RAPGEF1: variants seen among roughly 807,000 people sequenced by gnomAD.
The protein encoded by RAPGEF1 is CRK SH3-binding GNRP.
A neutral mutation model predicts 143.3 loss-of-function variants in RAPGEF1; 33 were observed. That is an observed-to-expected ratio of 0.23 (90% CI 0.17 to 0.31). The LOEUF (loss-of-function observed/expected upper bound fraction) is 0.31, where lower values mean the gene tolerates loss of function less well. Ranked by LOEUF, RAPGEF1 falls within the 10% of genes least tolerant of loss-of-function variation. The pLI, the probability that RAPGEF1 is intolerant of heterozygous loss-of-function variation, is 1.00. For synonymous variants in RAPGEF1, 629 were observed against 676.5 expected (o/e 0.93, Z 1.09); for missense variants, 1,199 against 1,645.4 (o/e 0.73, Z 4.69).
At chr9:131,581,517 C>T (rs574687997) in intron 25 of RAPGEF1, among the ~76,000 whole-genome samples, 7 of 151,146 alleles carry the variant, frequency 4.6e-5, no homozygotes, top group South Asian at 2.1e-4. Context: ...GGTGAAACTC[C>T]GTCTCTACTA....
chr9:131,593,956 A>G (rs576701178), intron 17 of RAPGEF1, among the ~76,000 whole-genome samples: 7 of 152,280 alleles, frequency 4.6e-5, no homozygotes, highest in Non-Finnish European at 1.0e-4. Flanking sequence ...CTCGCTGGTG[A>G]GCACTGGGCC....
At chr9:131,676,153 T>C (rs1832321146) in intron 1 of RAPGEF1, among the ~76,000 whole-genome samples, 1 of 152,086 alleles carries the variant, frequency 6.6e-6, no homozygotes, top group Non-Finnish European at 1.5e-5. Context: ...ATGGAAAGGA[T>C]GTAAAAGAAA....
chr9:131,722,157 A>G lies in RAPGEF1; in HGVS notation c.61+17613T>C, dbSNP rs527278051. Among the ~76,000 whole-genome samples, 4 of 152,164 alleles carry G rather than the reference A, an allele frequency of 2.6e-5. No individual in the cohort carries two copies. The South Asian group carries it at 8.3e-4, about 32-fold the overall frequency. On this transcript the variant is annotated intron_variant, in intron 1 of 26. Transcript: ENST00000683357. ...GGTTATCACCCAGATTCATAGAGAG[A>G]CGTGTTAATGATACTCGTGGGAACA... is the stretch of plus-strand genomic sequence containing the variant.
chr9:131,699,439 T>A (rs1160598005), intron 1 of RAPGEF1, among the ~76,000 whole-genome samples: 1 of 152,084 alleles, frequency 6.6e-6, no homozygotes, highest in African/African-American at 2.4e-5. Context: ...AGACAGGGTT[T>A]CTCCATGTTG....
intron 1 of RAPGEF1, among the ~76,000 whole-genome samples, chr9:131,735,277 A>C (rs1371673385): frequency 1.3e-5 from 2 of 152,148 alleles, no homozygotes; most frequent in Non-Finnish European, 2.9e-5. Context: ...TCAGCTGAGG[A>C]GGCCTTGGTC....
At chr9:131,705,167 G>C (rs1035772940) in intron 1 of RAPGEF1, among the ~76,000 whole-genome samples, 1 of 152,038 alleles carries the variant, frequency 6.6e-6, no homozygotes, top group African/African-American at 2.4e-5. Flanking sequence ...TTTATTGCAC[G>C]TCCACTGTGC....
At position 131,628,883 on chromosome 9, in the gene RAPGEF1, A is replaced by G. The variant is rs1333490334; in HGVS notation, c.894-211T>C. ...AACAACCCTTTCTTTTTCTTTCATAATAAATCATACCATGTCTCCCTGGGC... is the reference window on the plus strand; with the variant it reads ...AACAACCCTTTCTTTTTCTTTCATAGTAAATCATACCATGTCTCCCTGGGC... On this transcript the variant is annotated intron_variant, in intron 7 of 26. Coordinates refer to ENST00000683357, the MANE Select transcript of RAPGEF1 (RefSeq NM_001377935.1). This position sits in a 1 kb window ranked among gnomAD's most constrained non-coding sequence, Gnocchi z 5.7. Among the ~76,000 whole-genome samples, 1 of 152,170 alleles carries G rather than the reference A, an allele frequency of 6.6e-6. No individual in the cohort carries two copies. The highest frequency in any genetic ancestry group is 1.5e-5 in the Non-Finnish European group (1 of 68,012).
intron 4 of RAPGEF1, among the ~76,000 whole-genome samples, chr9:131,639,546 G>C (rs1967225615): frequency 1.3e-5 from 2 of 152,060 alleles, no homozygotes; most frequent in Non-Finnish European, 2.9e-5. Flanking sequence ...AATGATTGTA[G>C]AGTAGCAGCC....
At chr9:131,579,690 G>A in intron 26 of RAPGEF1, 43 bp from the exon 27 acceptor site, 1 of 1,601,362 alleles carries the variant, frequency 6.2e-7, no homozygotes, top group Non-Finnish European at 8.5e-7. Context: ...ACCTGTGTGG[G>A]CTGGATGGCC....
At chr9:131,644,491 G>A (rs1011597852) in intron 3 of RAPGEF1, among the ~76,000 whole-genome samples, 2 of 152,106 alleles carry the variant, frequency 1.3e-5, no homozygotes, top group Non-Finnish European at 2.9e-5. Flanking sequence ...AAATTAAGAG[G>A]GGTGTGTATG....
chr9:131,584,182 G>T lies in RAPGEF1; in HGVS notation c.3414+129C>A. ...AGCTGTTCTGGTCACACAGCATGTC[G>T]GTGGCAGAGCAGGGGCCTAGGCCCA... is the stretch of plus-strand genomic sequence containing the variant. On this transcript the variant is annotated intron_variant, in intron 24 of 26. Coordinates refer to ENST00000683357, the MANE Select transcript of RAPGEF1 (RefSeq NM_001377935.1). This position sits in a 1 kb window ranked among gnomAD's most constrained non-coding sequence, Gnocchi z 6.8. The T allele has an allele frequency of 4.9e-6, 4 of 815,604 alleles. No homozygotes were observed. The South Asian group carries it at 6.6e-5, about 14-fold the overall frequency. 50.5% of individuals were successfully genotyped at this position (815,604 alleles called of 1,614,324 possible).
chr9:131,695,187 G>A (rs951976420), intron 1 of RAPGEF1, among the ~76,000 whole-genome samples: 9 of 152,140 alleles, frequency 5.9e-5, no homozygotes, highest in Non-Finnish European at 8.8e-5. Context: ...ATGCATGAAC[G>A]TGCTTCTTCT....
intron 1 of RAPGEF1, among the ~76,000 whole-genome samples, chr9:131,713,231 C>T (rs1044341990): frequency 1.3e-5 from 2 of 152,174 alleles, no homozygotes; most frequent in African/African-American, 4.8e-5. Context: ...TCAGACCCGA[C>T]CTGGCCATGT....
At chr9:131,606,515 G>A (rs1436969640) in intron 12 of RAPGEF1, among the ~76,000 whole-genome samples, 1 of 152,212 alleles carries the variant, frequency 6.6e-6, no homozygotes, top group Non-Finnish European at 1.5e-5. Context: ...GTGCAAATGT[G>A]CGTGCCACTC....
Position 131,583,166 on chromosome 9 carries a change from G to C in RAPGEF1, c.3415-464C>G, listed in dbSNP as rs1952144788. 1.3e-5 allele frequency among the ~76,000 whole-genome samples: 2 copies of C among 152,076 alleles called. No individual in the cohort carries two copies. Among genetic ancestry groups the C allele is most frequent in the South Asian group, 4.1e-4 (2 of 4,822 alleles). The stretch of plus-strand genomic sequence containing the variant: ...TAGCATGTGACCTCGCCCTCCCCAG[G>C]GCTGGGTGGCTTCTCTCCTGCAGGG... On this transcript the variant is annotated intron_variant, in intron 24 of 26. Transcript: ENST00000683357. This position sits in a 1 kb window ranked among gnomAD's most constrained non-coding sequence, Gnocchi z 4.7.
rs1031818610 is a variant in RAPGEF1, at chr9:131,579,122, C to T, written c.*375G>A. On this transcript the variant is annotated 3_prime_UTR_variant, in exon 27 of 27. Transcript: ENST00000683357. ...GACCCTGGAGCTTAGGGAGGGGGAG[C>T]ACCCACCACTTCCTTGGTCTGCTGA... The T allele has an allele frequency of 1.1e-5, 2 of 189,846 alleles. No individual in the cohort carries two copies. Among genetic ancestry groups the T allele is most frequent in the East Asian group, 1.4e-4 (1 of 7,000 alleles). The allele number at this position is 189,846 out of a possible 1,614,324, so 11.8% of individuals were successfully genotyped here. A position where few individuals can be genotyped will look rare whatever the true frequency, so the allele number is the denominator to read the frequency against.
intron 12 of RAPGEF1, among the ~76,000 whole-genome samples, chr9:131,618,278 A>C (rs1959449131): frequency 6.6e-6 from 1 of 152,234 alleles, no homozygotes; most frequent in East Asian, 1.9e-4. Context: ...GACAGACTAC[A>C]TGGGTCACAG....
At position 131,576,983 on chromosome 9, in the gene RAPGEF1, CA is replaced by C. The variant is rs954246466; in HGVS notation, c.*2513del. 61 of 151,516 alleles carry C rather than the reference CA, an allele frequency of 4.0e-4. No individual in the cohort carries two copies. Among genetic ancestry groups the C allele is most frequent in the Non-Finnish European group, 7.2e-4 (49 of 67,866 alleles). The allele number at this position is 151,516 out of a possible 1,614,324, so 9.4% of individuals were successfully genotyped here. Reference sequence around the variant, plus strand: ...GTGTGCCTGCCCCTCCTTGCCCCCCCACACCCCGACACCTGCAGGTGAGGAC... The same window carrying C: ...GTGTGCCTGCCCCTCCTTGCCCCCCCCACCCCGACACCTGCAGGTGAGGAC... On this transcript the variant is annotated 3_prime_UTR_variant, in exon 27 of 27. Coordinates refer to ENST00000683357, the MANE Select transcript of RAPGEF1 (RefSeq NM_001377935.1).
chr9:131,661,845 T>C (rs1974189042), intron 1 of RAPGEF1, among the ~76,000 whole-genome samples: 1 of 152,210 alleles, frequency 6.6e-6, no homozygotes, highest in Admixed American at 6.5e-5. Flanking sequence ...CTCATCTTTT[T>C]AAAAATAATA....
Sources: gnomAD v4.1 joint callset for allele counts (sites outside exome capture counted in the v4.1 genomes callset) on GRCh38, gnomAD v4.1.1 for gene constraint, Gnocchi (gnomAD v3.1) non-coding constraint, MANE v1.5 for transcripts, NCBI Gene and HGNC (gene_info 2026-07-23, HGNC 2026-07-21) for gene names.